TBX15: variants seen among roughly 807,000 people sequenced by gnomAD.
TBX15 encodes T-box transcription factor TBX15.
Under a neutral mutation model 53.9 loss-of-function variants are expected in TBX15, and 18 were observed. That is an observed-to-expected ratio of 0.33 (90% CI 0.23 to 0.49). The LOEUF is 0.49. TBX15 is among the 20% of genes least tolerant of loss of function. The probability of loss-of-function intolerance (pLI) is 0.98; values close to 1 mark genes in which losing one functional copy is unlikely to be tolerated. For missense variants in TBX15, 692 were observed against 749.5 expected (o/e 0.92, Z 0.90); for synonymous variants, 295 against 278.0 (o/e 1.06, Z -0.61).
At chr1:118,950,641 T>C (rs1359824958) in intron 1 of TBX15, among the ~76,000 whole-genome samples, 1 of 152,184 alleles carries the variant, frequency 6.6e-6, no homozygotes, top group Non-Finnish European at 1.5e-5. Context: ...TGACCTCTCA[T>C]GTGGTTTTGT....
intron 7 of TBX15, among the ~76,000 whole-genome samples, chr1:118,886,674 A>C (rs1212320638): frequency 6.6e-6 from 1 of 152,196 alleles, no homozygotes; most frequent in African/African-American, 2.4e-5. Flanking sequence ...AGTCTTTCCT[A>C]AACTTGAGTG....
At chr1:118,987,498 A>G in intron 1 of TBX15, 93 bp downstream of exon 1, 2 of 1,396,808 alleles carry the variant, frequency 1.4e-6, no homozygotes. Context: ...CAGGGCGTCA[A>G]TGGCAGGGCC....
intron 7 of TBX15, among the ~76,000 whole-genome samples, chr1:118,888,797 G>T (rs185661523): frequency 6.6e-6 from 1 of 152,228 alleles, no homozygotes; most frequent in Admixed American, 6.5e-5. Context: ...TAGCCCTGCA[G>T]CAGGAAGTGC....
At chr1:118,914,465 G>A (rs1001664651) in intron 5 of TBX15, among the ~76,000 whole-genome samples, 2 of 152,160 alleles carry the variant, frequency 1.3e-5, no homozygotes, top group African/African-American at 4.8e-5. Flanking sequence ...TAAATCACTT[G>A]CCTAGACAGA....
At chr1:118,894,249 T>C (rs1301250322) in intron 7 of TBX15, among the ~76,000 whole-genome samples, 1 of 152,122 alleles carries the variant, frequency 6.6e-6, no homozygotes, top group African/African-American at 2.4e-5. Flanking sequence ...ATAGCAATAA[T>C]GAGGATGATC....
chr1:118,917,255 C>T (rs1052884550), intron 5 of TBX15, among the ~76,000 whole-genome samples: 1 of 152,146 alleles, frequency 6.6e-6, no homozygotes, highest in African/African-American at 2.4e-5. Flanking sequence ...GGAATGAGAT[C>T]ATGTCCTTGG....
At position 118,884,648 on chromosome 1, in the gene TBX15, C is replaced by T; in HGVS notation, c.*84G>A. On this transcript the variant is annotated 3_prime_UTR_variant, in exon 8 of 8. Coordinates refer to ENST00000369429, the MANE Select transcript of TBX15 (RefSeq NM_001330677.2). ...AAACACGGTTCCTGTTTTTCAAAGA[C>T]ACTGGACTCCCAAAGAGGAGGATCT... is the stretch of plus-strand genomic sequence containing the variant. The T allele has an allele frequency of 8.4e-7, 1 of 1,187,792 alleles. No individual in the cohort carries two copies. Among genetic ancestry groups the T allele is most frequent in the Admixed American group, 1.9e-5 (1 of 52,546 alleles). The allele number at this position is 1,187,792 out of a possible 1,614,324, so 73.6% of individuals were successfully genotyped here. A position where few individuals can be genotyped will look rare whatever the true frequency, so the allele number is the denominator to read the frequency against.
At chr1:118,945,094 C>A (rs955503859) in intron 1 of TBX15, among the ~76,000 whole-genome samples, 1 of 152,118 alleles carries the variant, frequency 6.6e-6, no homozygotes, top group Non-Finnish European at 1.5e-5. Context: ...ATAGGAAAGT[C>A]AATCAGAAAA....
rs567759764 is a variant in TBX15 at position 118,899,505 on chromosome 1, A to T, written c.927-380T>A. On this transcript the variant is annotated intron_variant, in intron 6 of 7. Coordinates refer to ENST00000369429, the MANE Select transcript of TBX15 (RefSeq NM_001330677.2). ...TTCTCTAGCACAGAACAATGTCGTC[A>T]TCATTACCACACTGCACTGACACAG... Among the ~76,000 whole-genome samples the T allele has an allele frequency of 4.6e-5, 7 of 152,316 alleles. No homozygotes were observed. The South Asian group carries it at 1.2e-3, about 27-fold the overall frequency.
intron 6 of TBX15, among the ~76,000 whole-genome samples, chr1:118,899,620 C>T (rs1397806912): frequency 3.3e-5 from 5 of 152,078 alleles, no homozygotes; most frequent in Non-Finnish European, 7.4e-5. Flanking sequence ...CTTAAATCAA[C>T]AGAGATGAAT....
In TBX15 at chr1:118,908,255, C is replaced by T. The variant is rs1213109399; in HGVS notation, c.926+5860G>A. On this transcript the variant is annotated intron_variant, in intron 6 of 7. Coordinates refer to ENST00000369429, the MANE Select transcript of TBX15 (RefSeq NM_001330677.2). ...CTAAATGAAAAATTATTGTTTTATT[C>T]TCTATTCCTGGCACCATGGAAAAAA... is the stretch of plus-strand genomic sequence containing the variant. 3.9e-5 allele frequency among the ~76,000 whole-genome samples: 6 copies of T among 151,994 alleles called. No homozygotes were observed. In the South Asian group the frequency reaches 8.3e-4, roughly 21 times the overall value.
At chr1:118,926,988 T>C (rs1466765309) in intron 2 of TBX15, among the ~76,000 whole-genome samples, 1 of 152,102 alleles carries the variant, frequency 6.6e-6, no homozygotes, top group Non-Finnish European at 1.5e-5. Context: ...CCTCCCAAAG[T>C]ACTGAGATTA....
intron 1 of TBX15, among the ~76,000 whole-genome samples, chr1:118,966,928 C>A (rs888723559): frequency 4.6e-5 from 7 of 152,206 alleles, no homozygotes. Flanking sequence ...ATTTTCCAGC[C>A]AGCTGGTTCA....
intron 7 of TBX15, among the ~76,000 whole-genome samples, chr1:118,898,229 A>C (rs1164731364): frequency 6.6e-6 from 1 of 152,136 alleles, no homozygotes; most frequent in Non-Finnish European, 1.5e-5. Flanking sequence ...TAATCACTAC[A>C]CTCATCTTAA....
At chr1:118,926,737 G>T (rs191815404) in intron 2 of TBX15, 126 bp from the exon 3 acceptor site, 18 of 803,976 alleles carry the variant, frequency 2.2e-5, no homozygotes, top group Non-Finnish European at 3.1e-5. Context: ...ATGGAGTCTC[G>T]CTCTGTCACC....
At chr1:118,929,881 T>A (rs920026015) in intron 2 of TBX15, among the ~76,000 whole-genome samples, 6 of 152,076 alleles carry the variant, frequency 3.9e-5, no homozygotes, top group African/African-American at 1.4e-4. Context: ...ATATTTCTTC[T>A]CTCTCCAAAC....
chr1:118,943,139 A>G (rs1336997529), intron 1 of TBX15, among the ~76,000 whole-genome samples: 1 of 152,310 alleles, frequency 6.6e-6, no homozygotes, highest in Non-Finnish European at 1.5e-5. Context: ...GCACAATAGG[A>G]ATATACTTAA....
In TBX15 at chr1:118,893,402, AAAGAAAGG is replaced by A. The variant is rs1424935209; in HGVS notation, c.1024+5618_1024+5625del. Among the ~76,000 whole-genome samples the A allele has an allele frequency of 2.8e-3, 355 of 125,662 alleles. 36 individuals are homozygous for A. The highest frequency in any genetic ancestry group is 0.011 in the African/African-American group (339 of 30,166). The allele number at this position is 125,662 out of a possible 152,430, so 82.4% of individuals were successfully genotyped here. A position where few individuals can be genotyped will look rare whatever the true frequency, so the allele number is the denominator to read the frequency against. ...GAAAGAAAGAAAGAAAGAAAGAAAGAAAGAAAGGAAGAAGGAAAGAAAGATGGAAGGAA... is the reference window on the plus strand; with the variant it reads ...GAAAGAAAGAAAGAAAGAAAGAAAGAAAGAAGGAAAGAAAGATGGAAGGAA... On this transcript the variant is annotated intron_variant, in intron 7 of 7. Coordinates refer to ENST00000369429, the MANE Select transcript of TBX15 (RefSeq NM_001330677.2).
intron 7 of TBX15, 135 bp from the exon 8 acceptor site, chr1:118,885,651 T>A: frequency 9.3e-7 from 1 of 1,073,934 alleles, no homozygotes; most frequent in Non-Finnish European, 1.4e-6. Flanking sequence ...TTTTTCCTCT[T>A]AACTCAGCAG....
Sources: allele counts gnomAD v4.1 joint callset (sites outside exome capture counted in the v4.1 genomes callset), GRCh38; gene constraint gnomAD v4.1.1; transcripts MANE v1.5; gene names NCBI Gene and HGNC (gene_info 2026-07-23, HGNC 2026-07-21).